The following ANKRD13D variants were observed in gnomAD, a reference collection of about 807,000 sequenced individuals.
ANKRD13D encodes ankyrin repeat domain 13D, also known as ankyrin repeat domain-containing protein 13D.
Under a neutral mutation model 68.8 loss-of-function variants are expected in ANKRD13D, and 24 were observed. The observed-to-expected ratio is 0.35, with a 90% CI of 0.25 to 0.49. ANKRD13D has a LOEUF of 0.49. ANKRD13D is among the 20% of genes least tolerant of loss of function. The probability of loss-of-function intolerance (pLI) is 0.99; values close to 1 mark genes in which losing one functional copy is unlikely to be tolerated. For synonymous variants in ANKRD13D, 331 were observed against 336.1 expected (o/e 0.98, Z 0.16); for missense variants, 735 against 832.1 (o/e 0.88, Z 1.44).
At chr11:67,289,736 C>A (rs1323456538) in intron 1 of ANKRD13D, 186 bp downstream of exon 1, 1 of 1,405,264 alleles carries the variant, frequency 7.1e-7, no homozygotes, top group African/African-American at 1.5e-5. Context: ...GGCCTCCTCT[C>A]CCCTGCGCTG....
chr11:67,293,176 T>C (rs1490868488), intron 6 of ANKRD13D, among the ~76,000 whole-genome samples: 1 of 152,222 alleles, frequency 6.6e-6, no homozygotes, highest in East Asian at 1.9e-4. Flanking sequence ...CTCTTGGGTA[T>C]ATACCTAAGA....
In ANKRD13D at chr11:67,299,880, C is replaced by T; in HGVS notation, c.934C>T (p.His312Tyr). ...FLGMAQQHSS[H>Y]TGAPVQQAAS... Reference sequence around the variant, plus strand: ...GGGGATGGCGCAGCAGCATTCCTCCCACACCGGGGTGAGCCGGGGCTGGGC... The same window carrying T: ...GGGGATGGCGCAGCAGCATTCCTCCTACACCGGGGTGAGCCGGGGCTGGGC... The change falls in exon 9 of 15, where the codon CAC becomes TAC. Residue 312 changes from histidine (H) to tyrosine (Y), a missense_variant. By Grantham distance (83) the His-to-Tyr change is moderately conservative. Coordinates refer to ENST00000511455, the MANE Select transcript of ANKRD13D (RefSeq NM_207354.3). This position sits in a 1 kb window ranked among gnomAD's most constrained non-coding sequence, Gnocchi z 6.2. The T allele has an allele frequency of 6.5e-7, 1 of 1,543,300 alleles. No homozygotes were observed. Among genetic ancestry groups the T allele is most frequent in the East Asian group, 2.3e-5 (1 of 44,184 alleles).
chr11:67,301,285 T>G lies in ANKRD13D; in HGVS notation c.1235T>G (p.Ile412Ser). Reference protein sequence around the residue: ...LPPGFPVKIEIPLFHVLNARI... With the variant: ...LPPGFPVKIESPLFHVLNARI... ...AGGCGTGGCTGTCTTCTCACAGAGA[T>G]TCCCCTTTTCCACGTGCTCAATGCC... is the stretch of plus-strand genomic sequence containing the variant. Residue 412 changes from isoleucine (I) to serine (S), a missense_variant, in exon 12 of 15, where the codon ATT becomes AGT. By Grantham distance (142) the Ile-to-Ser change is moderately radical. Transcript: ENST00000511455. This position sits in a 1 kb window ranked among gnomAD's most constrained non-coding sequence, Gnocchi z 4.5. 6.2e-7 allele frequency: 1 copy of G among 1,610,952 alleles called. No individual in the cohort carries two copies. Among genetic ancestry groups the G allele is most frequent in the Non-Finnish European group, 8.5e-7 (1 of 1,178,282 alleles).
intron 6 of ANKRD13D, among the ~76,000 whole-genome samples, chr11:67,296,253 A>G (rs1040195145): frequency 2.0e-5 from 3 of 149,476 alleles, no homozygotes; most frequent in Non-Finnish European, 3.0e-5. Flanking sequence ...CTCTTTGTCT[A>G]TTTTTTTTAA....
Position 67,291,932 on chromosome 11 carries a change from G to A in ANKRD13D, c.542-59G>A. The A allele has an allele frequency of 3.9e-6, 6 of 1,531,410 alleles. No homozygotes were observed. The Admixed American group carries it at 1.1e-4, about 29-fold the overall frequency. 94.9% of individuals were successfully genotyped at this position (1,531,410 alleles called of 1,614,324 possible). A position where few individuals can be genotyped will look rare whatever the true frequency, so the allele number is the denominator to read the frequency against. ...CTGAGGGTACATGATCGCCCTCTCTGCACTGCTGGCGCCCAGCACTGATTT... is the reference window on the plus strand; with the variant it reads ...CTGAGGGTACATGATCGCCCTCTCTACACTGCTGGCGCCCAGCACTGATTT... On this transcript the variant is annotated intron_variant, in intron 5 of 14. Coordinates refer to ENST00000511455, the MANE Select transcript of ANKRD13D (RefSeq NM_207354.3).
chr11:67,289,565 G>A lies in ANKRD13D; in HGVS notation c.90+15G>A. ...ACAGCCACCAGGTGAGGCCCCGCTG[G>A]GGCACCCGGCCCTTCCCCCGGGTCC... On this transcript the variant is annotated intron_variant, in intron 1 of 14. Transcript: ENST00000511455. 6.6e-7 allele frequency: 1 copy of A among 1,521,970 alleles called. No individual in the cohort carries two copies. Among genetic ancestry groups the A allele is most frequent in the Non-Finnish European group, 8.8e-7 (1 of 1,142,004 alleles). 94.3% of individuals were successfully genotyped at this position (1,521,970 alleles called of 1,614,324 possible). A position where few individuals can be genotyped will look rare whatever the true frequency, so the allele number is the denominator to read the frequency against.
At chr11:67,292,340 C>G (rs997167144) in intron 6 of ANKRD13D, among the ~76,000 whole-genome samples, 160 bp downstream of exon 6, 3 of 152,238 alleles carry the variant, frequency 2.0e-5, no homozygotes, top group Non-Finnish European at 4.4e-5. Flanking sequence ...CCGTGTCTCA[C>G]TCAGACTGCC....
Position 67,300,836 on chromosome 11 carries a change from T to A in ANKRD13D, c.1074-154T>A. ...TGGGCCACGTGGCCAGGACACCAGCTCCCGGGGGAGGCGGGCAGCGGCATC... is the reference window on the plus strand; with the variant it reads ...TGGGCCACGTGGCCAGGACACCAGCACCCGGGGGAGGCGGGCAGCGGCATC... On this transcript the variant is annotated intron_variant, in intron 10 of 14. Transcript: ENST00000511455. This position sits in a 1 kb window ranked among gnomAD's most constrained non-coding sequence, Gnocchi z 4.3. The A allele has an allele frequency of 1.0e-6, 1 of 959,554 alleles. No individual in the cohort carries two copies. 59.4% of individuals were successfully genotyped at this position (959,554 alleles called of 1,614,324 possible).
intron 1 of ANKRD13D, chr11:67,289,792 C>T: frequency 7.0e-7 from 1 of 1,423,274 alleles, no homozygotes; most frequent in Middle Eastern, 1.8e-4. Context: ...CCTTGCTGAC[C>T]CAAGCTGAGA....
chr11:67,300,194 C>G lies in ANKRD13D; in HGVS notation c.1073+71C>G, dbSNP rs1860925669. 1.3e-6 allele frequency: 2 copies of G among 1,594,114 alleles called. No homozygotes were observed. Among genetic ancestry groups the G allele is most frequent in the African/African-American group, 2.7e-5 (2 of 74,530 alleles). On this transcript the variant is annotated intron_variant, in intron 10 of 14. Transcript: ENST00000511455. This position sits in a 1 kb window ranked among gnomAD's most constrained non-coding sequence, Gnocchi z 4.3. ...CTTGCAGACCCCTCTCTGGGCCTGT[C>G]ATAGTTAGGGACCCACTCCCTCGGC...
At chr11:67,289,642 G>A (rs1348631754) in intron 1 of ANKRD13D, 92 bp downstream of exon 1, 3 of 969,196 alleles carry the variant, frequency 3.1e-6, no homozygotes, top group Non-Finnish European at 3.9e-6. Context: ...CCCCCCGCCC[G>A]CTCAGCTCCG....
chr11:67,298,539 T>C (rs1401031581), intron 6 of ANKRD13D: 1 of 160,554 alleles, frequency 6.2e-6, no homozygotes, highest in Non-Finnish European at 1.4e-5. Flanking sequence ...CTATCCCTTA[T>C]TGAAAGTGGG....
chr11:67,299,383 T>G lies in ANKRD13D; in HGVS notation c.799-147T>G. ...CTGCATCTCCTCGTTGGTGACTTCCTGGGGTTCAGACCCTGCCACCTCCTC... is the reference window on the plus strand; with the variant it reads ...CTGCATCTCCTCGTTGGTGACTTCCGGGGGTTCAGACCCTGCCACCTCCTC... On this transcript the variant is annotated intron_variant, in intron 7 of 14. Coordinates refer to ENST00000511455, the MANE Select transcript of ANKRD13D (RefSeq NM_207354.3). The surrounding 1 kb of genome is among the most constrained non-coding windows in gnomAD (Gnocchi z 6.2). The G allele has an allele frequency of 1.3e-6, 1 of 756,884 alleles. No homozygotes were observed. Among genetic ancestry groups the G allele is most frequent in the Non-Finnish European group, 2.2e-6 (1 of 461,684 alleles). The allele number at this position is 756,884 out of a possible 1,614,324, so 46.9% of individuals were successfully genotyped here.
chr11:67,298,584 A>C (rs1860852976), intron 6 of ANKRD13D: 2 of 163,664 alleles, frequency 1.2e-5, no homozygotes, highest in South Asian at 3.0e-4. Flanking sequence ...CTTTTCTTTT[A>C]GCTTTTTATT....
Position 67,290,321 on chromosome 11 carries a change from G to A in ANKRD13D, c.227-1G>A. ...TCCCCTCAGCAGCCTGGTGCCCGCA[G>A]TCCTGCAGGAGGCAGTCAGCACTGG... On this transcript the variant is annotated splice_acceptor_variant, in intron 2 of 14. Transcript: ENST00000511455. LOFTEE classifies it high-confidence loss of function. 6.4e-7 allele frequency: 1 copy of A among 1,551,654 alleles called. No individual in the cohort carries two copies. The highest frequency in any genetic ancestry group is 1.4e-5 in the African/African-American group (1 of 73,382).
chr11:67,299,485 G>T lies in ANKRD13D; in HGVS notation c.799-45G>T. ...CTGCACTGGTGAGGCTGAGTGTGGG[G>T]AGCAGGCTCTGAGCCCCCAGCTCCC... On this transcript the variant is annotated intron_variant, in intron 7 of 14. Transcript: ENST00000511455. The surrounding 1 kb of genome is among the most constrained non-coding windows in gnomAD (Gnocchi z 6.2). 6.7e-7 allele frequency: 1 copy of T among 1,489,300 alleles called. No individual in the cohort carries two copies. The highest frequency in any genetic ancestry group is 9.1e-7 in the Non-Finnish European group (1 of 1,092,902). The allele number at this position is 1,489,300 out of a possible 1,614,324, so 92.3% of individuals were successfully genotyped here. A position where few individuals can be genotyped will look rare whatever the true frequency, so the allele number is the denominator to read the frequency against.
rs957231759 is a variant in ANKRD13D, at chr11:67,300,849, G to A, written c.1074-141G>A. On this transcript the variant is annotated intron_variant, in intron 10 of 14. Coordinates refer to ENST00000511455, the MANE Select transcript of ANKRD13D (RefSeq NM_207354.3). The surrounding 1 kb of genome is among the most constrained non-coding windows in gnomAD (Gnocchi z 4.3). The stretch of plus-strand genomic sequence containing the variant: ...CAGGACACCAGCTCCCGGGGGAGGC[G>A]GGCAGCGGCATCTGAGCAGAGCAGG... 29 of 1,060,982 alleles carry A rather than the reference G, an allele frequency of 2.7e-5. No homozygotes were observed. Among genetic ancestry groups the A allele is most frequent in the African/African-American group, 8.0e-5 (5 of 62,216 alleles). 65.7% of individuals were successfully genotyped at this position (1,060,982 alleles called of 1,614,324 possible).
rs149680069 is a variant in ANKRD13D, at chr11:67,296,001, A to T, written c.732-3057A>T. ...TATTGATATGATCATGTGATTTTTT[A>T]AAAAATTCTATTGATACATCAATTG... On this transcript the variant is annotated intron_variant, in intron 6 of 14. Coordinates refer to ENST00000511455, the MANE Select transcript of ANKRD13D (RefSeq NM_207354.3). Among the ~76,000 whole-genome samples, 288 of 152,292 alleles carry T rather than the reference A, an allele frequency of 1.9e-3. No homozygotes were observed. The East Asian group carries it at 0.026, about 14-fold the overall frequency.
chr11:67,290,723 T>C, intron 3 of ANKRD13D: 1 of 411,352 alleles, frequency 2.4e-6, no homozygotes, highest in Non-Finnish European at 4.4e-6. Flanking sequence ...TCAGGTTGAC[T>C]CGGTGGATTA....
Sources: allele counts gnomAD v4.1 joint callset (sites outside exome capture counted in the v4.1 genomes callset), GRCh38; gene constraint gnomAD v4.1.1; non-coding constraint Gnocchi (gnomAD v3.1); transcripts MANE v1.5; gene names NCBI Gene and HGNC (gene_info 2026-07-23, HGNC 2026-07-21).